The following DACH1 variants were observed in gnomAD, a reference collection of about 807,000 sequenced individuals.
DACH1 encodes dachshund homolog 1.
A neutral mutation model predicts 54.2 loss-of-function variants in DACH1; 12 were observed. The ratio of observed to expected loss-of-function variants is 0.22; its 90% CI spans 0.14 to 0.36. DACH1 has a LOEUF of 0.36. Ranked by LOEUF, DACH1 falls within the 10% of genes least tolerant of loss-of-function variation. The pLI, the probability that DACH1 is intolerant of heterozygous loss-of-function variation, is 1.00. For synonymous variants in DACH1, 386 were observed against 366.2 expected (o/e 1.05, Z -0.62); for missense variants, 805 against 929.8 (o/e 0.87, Z 1.75).
At chr13:71,608,434 C>T (rs1875052152) in intron 3 of DACH1, among the ~76,000 whole-genome samples, 1 of 151,938 alleles carries the variant, frequency 6.6e-6, no homozygotes, top group Admixed American at 6.6e-5. Flanking sequence ...AACCTCTGAG[C>T]TTCTGACCTT....
chr13:71,732,989 T>C (rs1883819166), intron 1 of DACH1, among the ~76,000 whole-genome samples: 1 of 152,150 alleles, frequency 6.6e-6, no homozygotes, highest in Non-Finnish European at 1.5e-5. Flanking sequence ...TACTTACTCA[T>C]ATCATTTTCT....
rs570586508 is a variant in DACH1, at chr13:71,837,534, T to A, written c.848+28388A>T. Among the ~76,000 whole-genome samples the A allele has an allele frequency of 2.6e-5, 4 of 152,158 alleles. No individual in the cohort carries two copies. The East Asian group carries it at 7.8e-4, about 30-fold the overall frequency. On this transcript the variant is annotated intron_variant, in intron 1 of 10. Transcript: ENST00000613252. ...GGTAGAAGGTATAGATAGTCAACATTGGTAAACCCTGAAAATTAACACGGC... is the reference window on the plus strand; with the variant it reads ...GGTAGAAGGTATAGATAGTCAACATAGGTAAACCCTGAAAATTAACACGGC...
intron 6 of DACH1, among the ~76,000 whole-genome samples, chr13:71,495,044 T>G (rs1227899776): frequency 1.3e-5 from 2 of 152,136 alleles, no homozygotes; most frequent in African/African-American, 2.4e-5. Flanking sequence ...TCCCTTTGGG[T>G]TTGGATTATA....
At chr13:71,443,564 T>C (rs1426897725) in intron 10 of DACH1, among the ~76,000 whole-genome samples, 2 of 152,178 alleles carry the variant, frequency 1.3e-5, no homozygotes, top group African/African-American at 4.8e-5. Flanking sequence ...TCCCTCAAAA[T>C]AGCATACATG....
chr13:71,547,894 T>A (rs973036348), intron 6 of DACH1, among the ~76,000 whole-genome samples: 1 of 152,102 alleles, frequency 6.6e-6, no homozygotes, highest in Non-Finnish European at 1.5e-5. Flanking sequence ...GATGGAAGAA[T>A]TCAAACTGCT....
At chr13:71,614,141 C>A (rs1875568268) in intron 3 of DACH1, among the ~76,000 whole-genome samples, 1 of 152,100 alleles carries the variant, frequency 6.6e-6, no homozygotes, top group Admixed American at 6.6e-5. Flanking sequence ...TCTTGTTATG[C>A]ATCTTTTAAT....
At chr13:71,654,367 G>A (rs1490943259) in intron 2 of DACH1, among the ~76,000 whole-genome samples, 1 of 145,172 alleles carries the variant, frequency 6.9e-6, no homozygotes, top group East Asian at 2.0e-4. Context: ...TCCAGCCTGG[G>A]CGACAGAGTG....
intron 3 of DACH1, among the ~76,000 whole-genome samples, chr13:71,582,910 C>T (rs1415233544): frequency 1.3e-5 from 2 of 152,008 alleles, no homozygotes; most frequent in Non-Finnish European, 2.9e-5. Flanking sequence ...TTTATTTTTA[C>T]CTTTATACTC....
chr13:71,716,391 T>A (rs996995403), intron 1 of DACH1, among the ~76,000 whole-genome samples: 4 of 152,120 alleles, frequency 2.6e-5, no homozygotes, highest in Non-Finnish European at 4.4e-5. Context: ...CTCTTCAAAA[T>A]CTAGCACCTC....
intron 8 of DACH1, among the ~76,000 whole-genome samples, chr13:71,476,296 G>A (rs1877515861): frequency 6.6e-6 from 1 of 152,072 alleles, no homozygotes; most frequent in African/African-American, 2.4e-5. Flanking sequence ...AGCAAATGGA[G>A]CATCTCCCCT....
At chr13:71,858,476 T>G (rs1279146823) in intron 1 of DACH1, among the ~76,000 whole-genome samples, 1 of 151,790 alleles carries the variant, frequency 6.6e-6, no homozygotes, top group African/African-American at 2.4e-5. Context: ...GCTTTAAAAG[T>G]ATATCCATAT....
intron 1 of DACH1, among the ~76,000 whole-genome samples, chr13:71,820,378 T>C (rs936697160): frequency 6.6e-6 from 1 of 152,078 alleles, no homozygotes; most frequent in South Asian, 2.1e-4. Context: ...ACCAAGGAGA[T>C]GTGATTGCTC....
chr13:71,825,155 T>C (rs1395289674), intron 1 of DACH1, among the ~76,000 whole-genome samples: 2 of 152,146 alleles, frequency 1.3e-5, no homozygotes, highest in African/African-American at 4.8e-5. Flanking sequence ...AAATGTCTTA[T>C]GTGCTTCATA....
intron 1 of DACH1, among the ~76,000 whole-genome samples, chr13:71,747,396 C>A (rs7998836): frequency 6.6e-6 from 1 of 152,100 alleles, no homozygotes; most frequent in African/African-American, 2.4e-5. Flanking sequence ...CTGGCCAACA[C>A]GGTGAAGCCC....
At chr13:71,606,581 C>T (rs1262308825) in intron 3 of DACH1, among the ~76,000 whole-genome samples, 2 of 151,932 alleles carry the variant, frequency 1.3e-5, no homozygotes, top group African/African-American at 4.8e-5. Context: ...AGTTGGTTTT[C>T]CACTTCATCA....
At chr13:71,500,867 T>G (rs566790771) in intron 6 of DACH1, among the ~76,000 whole-genome samples, 22 of 150,820 alleles carry the variant, frequency 1.5e-4, no homozygotes, top group Admixed American at 1.1e-3. Context: ...TAAAAAGTGG[T>G]TTTTTTTTAA....
At chr13:71,642,162 A>G (rs899171090) in intron 2 of DACH1, among the ~76,000 whole-genome samples, 1 of 152,164 alleles carries the variant, frequency 6.6e-6, no homozygotes, top group Non-Finnish European at 1.5e-5. Context: ...TACTGATCCA[A>G]TGACTTCTCT....
rs11391038 is a variant in DACH1 at position 71,440,493 on chromosome 13, C to CT, written c.*161dup. 237,591 of 446,932 alleles carry CT rather than the reference C, an allele frequency of 0.53. 39,120 individuals are homozygous for CT. Among genetic ancestry groups the CT allele is most frequent in the Admixed American group, 0.61 (13,230 of 21,830 alleles). 27.7% of individuals were successfully genotyped at this position (446,932 alleles called of 1,614,324 possible). A position where few individuals can be genotyped will look rare whatever the true frequency, so the allele number is the denominator to read the frequency against. ...CACAGGTGAAAATCAATGGAGAAAACTTTTTTTTTTTTTGTAGAATACTTA... is the reference window on the plus strand; with the variant it reads ...CACAGGTGAAAATCAATGGAGAAAACTTTTTTTTTTTTTTGTAGAATACTTA... On this transcript the variant is annotated 3_prime_UTR_variant, in exon 11 of 11. Transcript: ENST00000613252.
At chr13:71,530,776 ATTAATAT>A (rs1275763066) in intron 6 of DACH1, among the ~76,000 whole-genome samples, 1 of 150,622 alleles carries the variant, frequency 6.6e-6, no homozygotes, top group Admixed American at 6.6e-5. Context: ...ATGTCAAATA[ATTAATAT>A]TTAATAAATG....
Sources: allele counts gnomAD v4.1 joint callset (sites outside exome capture counted in the v4.1 genomes callset), GRCh38; gene constraint gnomAD v4.1.1; transcripts MANE v1.5; gene names NCBI Gene and HGNC (gene_info 2026-07-23, HGNC 2026-07-21).